Variants in CDYL observed in about 807,000 individuals in gnomAD.
The protein encoded by CDYL is chromodomain Y like.
A neutral mutation model predicts 47.3 loss-of-function variants in CDYL; 8 were observed. The ratio of observed to expected loss-of-function variants is 0.17; its 90% CI spans 0.10 to 0.31. The LOEUF is 0.31. Ranked by LOEUF, CDYL falls within the 10% of genes least tolerant of loss-of-function variation. The probability of loss-of-function intolerance (pLI) is 1.00; values close to 1 mark genes in which losing one functional copy is unlikely to be tolerated. For missense variants in CDYL, 471 were observed against 701.4 expected, an observed-to-expected ratio of 0.67 and a Z score of 3.71; for synonymous variants, 266 against 265.0, an observed-to-expected ratio of 1.00 and a Z score of -0.04.
Position 4,935,456 on chromosome 6 carries a change from C to G in CDYL, c.692-59C>G, listed in dbSNP as rs974474109. On this transcript the variant is annotated intron_variant, in intron 2 of 6. Coordinates refer to ENST00000397588, the MANE Select transcript of CDYL (RefSeq NM_004824.4). ...ATCTTTATCCAATTCAAAGATGACA[C>G]CTGGGAGTGAACTGGTGGTGGGACA... is the stretch of plus-strand genomic sequence containing the variant. The G allele has an allele frequency of 3.5e-6, 5 of 1,418,898 alleles. No individual in the cohort carries two copies. The African/African-American group carries it at 7.1e-5, about 20-fold the overall frequency. 87.9% of individuals were successfully genotyped at this position (1,418,898 alleles called of 1,614,324 possible). A position where few individuals can be genotyped will look rare whatever the true frequency, so the allele number is the denominator to read the frequency against.
chr6:4,902,557 C>T (rs112853215), intron 2 of CDYL, among the ~76,000 whole-genome samples: 142 of 152,330 alleles, frequency 9.3e-4, no homozygotes, highest in Non-Finnish European at 1.6e-3. Context: ...CACCAGGAGA[C>T]TGAGCTGTGC....
chr6:4,944,267 G>A (rs1758447786), intron 5 of CDYL, among the ~76,000 whole-genome samples: 1 of 152,210 alleles, frequency 6.6e-6, no homozygotes, highest in African/African-American at 2.4e-5. Flanking sequence ...GGCAGGAGGT[G>A]GTGTCACAGG....
In CDYL at chr6:4,944,452, C is replaced by T. The variant is rs1229473292; in HGVS notation, c.1332+696C>T. Among the ~76,000 whole-genome samples, 6 of 152,202 alleles carry T rather than the reference C, an allele frequency of 3.9e-5. No homozygotes were observed. In the East Asian group the frequency reaches 1.2e-3, roughly 29 times the overall value. ...TGTGCGGGAAGCGTTGCACCCTGGA[C>T]GAGGTGGCTCCCTACAGCTGAGGGC... On this transcript the variant is annotated intron_variant, in intron 5 of 6. Coordinates refer to ENST00000397588, the MANE Select transcript of CDYL (RefSeq NM_004824.4).
chr6:4,797,296 A>G (rs1423183985), intron 1 of CDYL, among the ~76,000 whole-genome samples: 1 of 152,174 alleles, frequency 6.6e-6, no homozygotes, highest in East Asian at 1.9e-4. Context: ...CATCAATAAT[A>G]CTTCTAAAAA....
intron 2 of CDYL, chr6:4,718,625 C>T (rs1235170532): frequency 4.6e-5 from 7 of 152,048 alleles, no homozygotes; most frequent in Non-Finnish European, 8.8e-5. Flanking sequence ...TTTTTTTAAT[C>T]CAGATTCCCA....
At chr6:4,899,892 A>G (rs1194885601) in intron 2 of CDYL, among the ~76,000 whole-genome samples, 5 of 152,170 alleles carry the variant, frequency 3.3e-5, no homozygotes, top group South Asian at 2.1e-4. Context: ...TAGGGAACCA[A>G]GGTTTCTCAA....
Position 4,819,148 on chromosome 6 carries a change from CTCTCTCTCTCTCTCTGTGTG to C in CDYL, c.24+42343_24+42362del, listed in dbSNP as rs1221617213. On this transcript the variant is annotated intron_variant, in intron 1 of 6. Coordinates refer to ENST00000397588, the MANE Select transcript of CDYL (RefSeq NM_004824.4). ...TCTCTCTCTCTCTCTCTCTCTCTCT[CTCTCTCTCTCTCTCTGTGTG>C]TGTGTGTGTGTGTGTAGCTCTTCAC... is the stretch of plus-strand genomic sequence containing the variant. Among the ~76,000 whole-genome samples the C allele has an allele frequency of 9.5e-3, 1,352 of 142,084 alleles. 28 individuals carry two copies. The highest frequency in any genetic ancestry group is 0.037 in the African/African-American group (1,291 of 34,916). 93.2% of individuals were successfully genotyped at this position (142,084 alleles called of 152,430 possible). A position where few individuals can be genotyped will look rare whatever the true frequency, so the allele number is the denominator to read the frequency against.
intron 2 of CDYL, among the ~76,000 whole-genome samples, chr6:4,907,212 GTCC>G (rs1387333612): frequency 6.6e-6 from 1 of 152,150 alleles, no homozygotes; most frequent in Non-Finnish European, 1.5e-5. Context: ...TTACCAGGTT[GTCC>G]TCCTACAGAA....
At chr6:4,765,529 A>T (rs9504245) in intron 3 of CDYL, among the ~76,000 whole-genome samples, 1 of 151,558 alleles carries the variant, frequency 6.6e-6, no homozygotes, top group Admixed American at 6.6e-5. Context: ...TGAAAAGAAG[A>T]CTGAAGATCA....
chr6:4,738,917 T>C (rs1757749170), intron 3 of CDYL, among the ~76,000 whole-genome samples: 1 of 152,158 alleles, frequency 6.6e-6, no homozygotes, highest in African/African-American at 2.4e-5. Context: ...ATCCCAGCAC[T>C]TTGGGAGGCC....
At chr6:4,731,388 A>G (rs1757602170) in intron 2 of CDYL, among the ~76,000 whole-genome samples, 1 of 152,224 alleles carries the variant, frequency 6.6e-6, no homozygotes, top group African/African-American at 2.4e-5. Flanking sequence ...TGCCTTTTAA[A>G]GGGGCTATCA....
chr6:4,725,611 G>A (rs1303836622), intron 2 of CDYL, among the ~76,000 whole-genome samples: 2 of 152,216 alleles, frequency 1.3e-5, no homozygotes, highest in East Asian at 1.9e-4. Flanking sequence ...GGACCTGCCC[G>A]CCGAGCCCAC....
rs1209658816 is a variant in CDYL at position 4,895,456 on chromosome 6, C to CGTATATATGT, written c.691+3077_691+3078insGTATATATGT. Among the ~76,000 whole-genome samples, 18 of 2,646 alleles carry CGTATATATGT rather than the reference C, an allele frequency of 6.8e-3. 8 individuals are homozygous for CGTATATATGT. The highest frequency in any genetic ancestry group is 7.0e-3 in the African/African-American group (18 of 2,588). The allele number at this position is 2,646 out of a possible 152,430, so 1.7% of individuals were successfully genotyped here. On this transcript the variant is annotated intron_variant, in intron 2 of 6. Transcript: ENST00000397588. ...ATGTATACGTATATATGCATATATA[C>CGTATATATGT]ATGTATACATATATACGTATATATG... is the stretch of plus-strand genomic sequence containing the variant.
In CDYL at chr6:4,892,333, C is replaced by A; in HGVS notation, c.645C>A (p.Gly215=). 1 of 1,613,710 alleles carries A rather than the reference C, an allele frequency of 6.2e-7. No homozygotes were observed. The highest frequency in any genetic ancestry group is 8.5e-7 in the Non-Finnish European group (1 of 1,179,850). Residue 215 remains glycine, a synonymous_variant, in exon 2 of 7, where the codon GGC becomes GGA. Coordinates refer to ENST00000397588, the MANE Select transcript of CDYL (RefSeq NM_004824.4). ...ACCCACTAGTGCCTCAGGTGCCCGGCCCTGTGACTGCAGCCATGGCCACAG... is the reference window on the plus strand; with the variant it reads ...ACCCACTAGTGCCTCAGGTGCCCGGACCTGTGACTGCAGCCATGGCCACAG... The part of the protein sequence containing the change: ...RIHPLVPQVP[G]PVTAAMATGL...
At chr6:4,798,512 C>CT (rs1201120383) in intron 1 of CDYL, among the ~76,000 whole-genome samples, 1 of 152,150 alleles carries the variant, frequency 6.6e-6, no homozygotes, top group Non-Finnish European at 1.5e-5. Flanking sequence ...AGTTTTATTA[C>CT]AGTGGGTCTA....
Position 4,722,640 on chromosome 6 carries a change from G to A in CDYL, c.103+6759G>A, listed in dbSNP as rs1757392974. Among the ~76,000 whole-genome samples the A allele has an allele frequency of 1.3e-5, 2 of 152,160 alleles. 1 individual carries two copies. The highest frequency in any genetic ancestry group is 4.1e-4 in the South Asian group (2 of 4,832). On this transcript the variant is annotated intron_variant, in intron 2 of 8. Coordinates refer to the CDYL transcript ENST00000328908. ...GCCTGTAATCCCAGCACTTTGGGAG[G>A]CCATGGCAGGTAGATGGCTTGAGGC...
chr6:4,754,072 C>T (rs1758038174), intron 3 of CDYL, among the ~76,000 whole-genome samples: 1 of 152,094 alleles, frequency 6.6e-6, no homozygotes, highest in Admixed American at 6.6e-5. Flanking sequence ...GAGTTTGAAG[C>T]TGCAGTGAGC....
At chr6:4,899,611 C>T (rs980490248) in intron 2 of CDYL, among the ~76,000 whole-genome samples, 1 of 152,146 alleles carries the variant, frequency 6.6e-6, no homozygotes, top group Non-Finnish European at 1.5e-5. Flanking sequence ...AATTGTTTTC[C>T]TTTTCCTGGT....
chr6:4,905,595 G>A (rs985039018), intron 2 of CDYL, among the ~76,000 whole-genome samples: 1 of 152,178 alleles, frequency 6.6e-6, no homozygotes, highest in African/African-American at 2.4e-5. Flanking sequence ...TAAAATTCAT[G>A]TTTGAGAATT....
Sources: gnomAD v4.1 joint callset for allele counts (sites outside exome capture counted in the v4.1 genomes callset) on GRCh38, gnomAD v4.1.1 for gene constraint, MANE v1.5 for transcripts, NCBI Gene and HGNC (gene_info 2026-07-23, HGNC 2026-07-21) for gene names.